The following ATAD3A variants were observed in gnomAD, a reference collection of about 807,000 sequenced individuals.
The protein encoded by ATAD3A is ATPase family AAA domain containing 3A, also known as ATPase family AAA domain-containing protein 3A.
Under a neutral mutation model 73.8 loss-of-function variants are expected in ATAD3A, and 46 were observed. That is an observed-to-expected ratio of 0.62 (90% confidence interval 0.49 to 0.80). The LOEUF (loss-of-function observed/expected upper bound fraction) is 0.80. Ranked by LOEUF, ATAD3A falls within the 30% of genes least tolerant of loss-of-function variation. The probability of loss-of-function intolerance (pLI) is 0.00; values close to 1 mark genes in which losing one functional copy is unlikely to be tolerated. For missense variants in ATAD3A, 705 were observed against 838.0 expected, an observed-to-expected ratio of 0.84 and a Z score of 1.96; for synonymous variants, 319 against 350.0, an observed-to-expected ratio of 0.91 and a Z score of 0.99.
chr1:1,532,165 T>C (rs536335970), intron 15 of ATAD3A, among the ~76,000 whole-genome samples: 1 of 152,180 alleles, frequency 6.6e-6, no homozygotes, highest in African/African-American at 2.4e-5. Flanking sequence ...GTGTATAATT[T>C]TTTTATTATA....
Position 1,520,543 on chromosome 1 carries a change from C to T in ATAD3A, c.681-5C>T, listed in dbSNP as rs778067625. The T allele has an allele frequency of 1.5e-5, 25 of 1,613,946 alleles. No individual in the cohort carries two copies. The highest frequency in any genetic ancestry group is 1.1e-4 in the East Asian group (5 of 44,898). On this transcript the variant is annotated splice_region_variant and splice_polypyrimidine_tract_variant and intron_variant, in intron 6 of 15. Coordinates refer to ENST00000378756, the MANE Select transcript of ATAD3A (RefSeq NM_001170535.3). The surrounding 1 kb of genome is among the most constrained non-coding windows in gnomAD (Gnocchi z 4.0). ...TTCCTGGTCACACCACTGCTTTCCC[C>T]GCAGGACGGCTGGCACCTTGTTTGG...
intron 1 of ATAD3A, 23 bp from the exon 2 acceptor site, chr1:1,515,989 C>T (rs1418188142): frequency 3.7e-6 from 6 of 1,613,612 alleles, no homozygotes; most frequent in Non-Finnish European, 5.1e-6. Flanking sequence ...TAACACCTGC[C>T]CTCCGTGTCC....
chr1:1,514,182 CT>C (rs1641284204), intron 1 of ATAD3A, among the ~76,000 whole-genome samples: 1 of 152,188 alleles, frequency 6.6e-6, no homozygotes, highest in African/African-American at 2.4e-5. Flanking sequence ...GCTCTTTCCC[CT>C]CTCCTCCTCC....
chr1:1,526,888 T>C (rs1305474860), intron 13 of ATAD3A, among the ~76,000 whole-genome samples: 3 of 152,072 alleles, frequency 2.0e-5, no homozygotes, highest in South Asian at 2.1e-4. Flanking sequence ...AGGGTGTGTG[T>C]GCCCTGGGGT....
intron 12 of ATAD3A, 98 bp from the exon 13 acceptor site, chr1:1,526,363 C>T: frequency 1.9e-6 from 3 of 1,566,296 alleles, no homozygotes; most frequent in Non-Finnish European, 2.6e-6. Flanking sequence ...GTCGCCATGT[C>T]CCTGCTCCCT....
At chr1:1,514,576 C>T (rs183456042) in intron 1 of ATAD3A, among the ~76,000 whole-genome samples, 86 of 152,312 alleles carry the variant, frequency 5.6e-4, no homozygotes, top group Non-Finnish European at 2.1e-4. Flanking sequence ...CAGCCCAGTT[C>T]GTGCCTAACC....
intron 4 of ATAD3A, among the ~76,000 whole-genome samples, chr1:1,518,428 C>A (rs1248506964): frequency 2.7e-5 from 4 of 147,548 alleles, no homozygotes; most frequent in African/African-American, 1.0e-4. Flanking sequence ...GACACACACA[C>A]ACCCACACAC....
chr1:1,530,567 C>T (rs1158939100), intron 15 of ATAD3A, among the ~76,000 whole-genome samples: 1 of 116,410 alleles, frequency 8.6e-6, no homozygotes, highest in Non-Finnish European at 1.5e-5. Context: ...CGGTGGCTCA[C>T]GCCTGTAATC....
intron 1 of ATAD3A, 152 bp downstream of exon 1, chr1:1,512,625 G>C (rs1004401432): frequency 7.8e-6 from 11 of 1,403,244 alleles, no homozygotes; most frequent in Admixed American, 6.8e-5. Flanking sequence ...GCCGTGTCGC[G>C]TGCCGGGAGG....
intron 11 of ATAD3A, 43 bp from the exon 12 acceptor site, chr1:1,525,197 C>A (rs11260606): frequency 1.2e-6 from 2 of 1,612,598 alleles, no homozygotes; most frequent in African/African-American, 2.7e-5. Context: ...TGGGCTGCTC[C>A]TGGTGTCACT....
Position 1,525,227 on chromosome 1 carries a change from C to G in ATAD3A, c.1215-13C>G. On this transcript the variant is annotated splice_polypyrimidine_tract_variant and intron_variant, in intron 11 of 15. Coordinates refer to ENST00000378756, the MANE Select transcript of ATAD3A (RefSeq NM_001170535.3). Reference sequence around the variant, plus strand: ...GTCACTCTCGCCCTGCTTGGCCTCCCTCTCGTTCACAGCCTCCTGCTCTTT... The same window carrying G: ...GTCACTCTCGCCCTGCTTGGCCTCCGTCTCGTTCACAGCCTCCTGCTCTTT... 6.2e-7 allele frequency: 1 copy of G among 1,613,772 alleles called. No homozygotes were observed. The highest frequency in any genetic ancestry group is 2.2e-5 in the East Asian group (1 of 44,858).
intron 7 of ATAD3A, 126 bp from the exon 8 acceptor site, chr1:1,522,618 G>A: frequency 2.0e-6 from 3 of 1,510,324 alleles, no homozygotes; most frequent in Non-Finnish European, 2.7e-6. Context: ...CGTTCCTGTG[G>A]GGCCAGTGCA....
Position 1,517,331 on chromosome 1 carries a change from G to A in ATAD3A, c.303G>A (p.Glu101=). ...SKLKEYEAAV[E]QLKSEQIRAQ... is the part of the protein sequence containing the mutation. ...TGCAGGAGTATGAGGCCGCCGTGGAGCAGCTCAAGAGCGAGCAGATCCGGG... is the reference window on the plus strand; with the variant it reads ...TGCAGGAGTATGAGGCCGCCGTGGAACAGCTCAAGAGCGAGCAGATCCGGG... Residue 101 remains glutamate (E), a synonymous_variant, in exon 3 of 16, where the codon GAG becomes GAA. Transcript: ENST00000378756. The A allele has an allele frequency of 6.5e-7, 1 of 1,545,256 alleles. No homozygotes were observed. Among genetic ancestry groups the A allele is most frequent in the Non-Finnish European group, 8.7e-7 (1 of 1,146,504 alleles).
intron 7 of ATAD3A, among the ~76,000 whole-genome samples, chr1:1,522,490 A>G (rs945206668): frequency 2.0e-5 from 3 of 152,172 alleles, no homozygotes; most frequent in African/African-American, 7.2e-5. Context: ...TCAGCGACCG[A>G]GGCTTTCTAG....
Position 1,522,757 on chromosome 1 carries a change from C to T in ATAD3A, c.764C>T (p.Thr255Met), listed in dbSNP as rs1641646321. ...TCTCTGCTGCAGGTGGCTGGGCTGA[C>T]GCTGCTGGCTGTTGGGGTCTACTCA... The part of the protein sequence containing the change: ...DKVTATVAGL[T>M]LLAVGVYSAK... Residue 255 changes from threonine to methionine, a missense_variant, in exon 8 of 16, where the codon ACG becomes ATG. Thr to Met is a moderately conservative substitution (Grantham distance 81). Around this residue, in one of 5 missense-constraint regions of ATAD3A, gnomAD observed 315 missense variants for 334.1 expected, o/e 0.94. Transcript: ENST00000378756. The T allele has an allele frequency of 9.3e-6, 15 of 1,612,104 alleles. No individual in the cohort carries two copies. The Middle Eastern group carries it at 5.6e-4, about 61-fold the overall frequency.
chr1:1,516,039 C>T lies in ATAD3A; in HGVS notation c.233C>T (p.Ala78Val). 3 of 1,614,052 alleles carry T rather than the reference C, an allele frequency of 1.9e-6. No individual in the cohort carries two copies. Among genetic ancestry groups the T allele is most frequent in the Non-Finnish European group, 2.5e-6 (3 of 1,179,948 alleles). ...TATGCCAAGGACGCCCTGAATCTGGCACAGATGCAGGAGCAGACGCTGCAG... is the reference window on the plus strand; with the variant it reads ...TATGCCAAGGACGCCCTGAATCTGGTACAGATGCAGGAGCAGACGCTGCAG... ...SRYAKDALNL[A>V]QMQEQTLQLE... The change falls in exon 2 of 16, where the codon GCA becomes GTA. Residue 78 changes from alanine (A) to valine (V), a missense_variant. This residue lies in a region of ATAD3A where 125 missense variants were observed against 170.6 expected (regional missense o/e 0.73). Coordinates refer to ENST00000378756, the MANE Select transcript of ATAD3A (RefSeq NM_001170535.3).
rs540993192 is a variant in ATAD3A at position 1,517,442 on chromosome 1, C to T, written c.384+30C>T. ...GAGCGCAAGAGGCCGCGAGGGAGGCCGCCCGGCTGCGGGGAGCGGCCTGGG... is the reference window on the plus strand; with the variant it reads ...GAGCGCAAGAGGCCGCGAGGGAGGCTGCCCGGCTGCGGGGAGCGGCCTGGG... On this transcript the variant is annotated intron_variant, in intron 3 of 15. Coordinates refer to ENST00000378756, the MANE Select transcript of ATAD3A (RefSeq NM_001170535.3). 198 of 1,468,500 alleles carry T rather than the reference C, an allele frequency of 1.3e-4. 1 individual carries two copies. In the African/African-American group the frequency reaches 2.2e-3, roughly 16 times the overall value. The allele number at this position is 1,468,500 out of a possible 1,614,324, so 91.0% of individuals were successfully genotyped here. A position where few individuals can be genotyped will look rare whatever the true frequency, so the allele number is the denominator to read the frequency against.
intron 1 of ATAD3A, among the ~76,000 whole-genome samples, chr1:1,515,740 C>G (rs1260810298): frequency 6.6e-6 from 1 of 152,194 alleles, no homozygotes; most frequent in Non-Finnish European, 1.5e-5. Flanking sequence ...TGGGAAAGAG[C>G]CTCCTCCCGT....
intron 13 of ATAD3A, 41 bp from the exon 14 acceptor site, chr1:1,527,654 C>G: frequency 6.3e-7 from 1 of 1,576,678 alleles, no homozygotes; most frequent in Non-Finnish European, 8.6e-7. Flanking sequence ...TGCAGCTCGG[C>G]CGGCAGCCCC....
Sources: gnomAD v4.1 joint callset for allele counts (sites outside exome capture counted in the v4.1 genomes callset) on GRCh38, gnomAD v4.1.1 for gene constraint, gnomAD v4.1.1 regional missense constraint, Gnocchi (gnomAD v3.1) non-coding constraint, MANE v1.5 for transcripts, NCBI Gene and HGNC (gene_info 2026-07-23, HGNC 2026-07-21) for gene names.